TGFB3: variants seen among roughly 807,000 people sequenced by gnomAD.
TGFB3 encodes the protein transforming growth factor beta-3 proprotein.
In TGFB3, 5 loss-of-function variants were observed where a neutral mutation model predicts 40.1. The observed-to-expected ratio is 0.12, with a 90% CI of 0.07 to 0.26. TGFB3 has a LOEUF of 0.26. Ranked by LOEUF, TGFB3 falls within the 10% of genes least tolerant of loss-of-function variation. The pLI is 1.00. For synonymous variants in TGFB3, 184 were observed against 205.6 expected, an observed-to-expected ratio of 0.89 and a Z score of 0.90; for missense variants, 373 against 530.1, an observed-to-expected ratio of 0.70 and a Z score of 2.91.
chr14:75,967,705 A>G (rs919348216), intron 3 of TGFB3, among the ~76,000 whole-genome samples: 2 of 152,202 alleles, frequency 1.3e-5, no homozygotes, highest in Admixed American at 6.5e-5. Context: ...TTCTATCTCT[A>G]TAATAATCCC....
chr14:75,959,707 G>T (rs572380715), intron 6 of TGFB3, among the ~76,000 whole-genome samples: 7 of 151,750 alleles, frequency 4.6e-5, no homozygotes, highest in Admixed American at 1.3e-4. Flanking sequence ...GGAAGCAGAG[G>T]TTGCAGTAAG....
chr14:75,960,617 G>T (rs2035144140), intron 6 of TGFB3, among the ~76,000 whole-genome samples: 1 of 152,160 alleles, frequency 6.6e-6, no homozygotes, highest in African/African-American at 2.4e-5. Context: ...AGTGTTCCTT[G>T]CCAGCCACAT....
chr14:75,979,981 G>GGT lies in TGFB3; in HGVS notation c.352+560_352+561insAC, dbSNP rs2035404679. Among the ~76,000 whole-genome samples the GGT allele has an allele frequency of 6.6e-6, 1 of 152,166 alleles. No homozygotes were observed. The highest frequency in any genetic ancestry group is 1.5e-5 in the Non-Finnish European group (1 of 68,024). On this transcript the variant is annotated intron_variant, in intron 1 of 6. Transcript: ENST00000238682. This position sits in a 1 kb window ranked among gnomAD's most constrained non-coding sequence, Gnocchi z 4.8. ...GTCACGTGGGTGGGGTAGACCAAAG[G>GGT]GCCCAGGCAGCAAGAAGCTGTCTCC...
intron 3 of TGFB3, chr14:75,970,824 G>A (rs144466680): frequency 5.3e-6 from 2 of 378,802 alleles, no homozygotes; most frequent in Admixed American, 3.7e-5. Context: ...TCATTCAGAT[G>A]TCAATGCATG....
intron 1 of TGFB3, among the ~76,000 whole-genome samples, chr14:75,972,382 G>A (rs1328306369): frequency 6.6e-6 from 1 of 152,154 alleles, no homozygotes; most frequent in East Asian, 1.9e-4. Context: ...ATCTAAGGGG[G>A]GGTATTAATA....
At chr14:75,972,481 G>A (rs753181238) in intron 1 of TGFB3, among the ~76,000 whole-genome samples, 7 of 152,168 alleles carry the variant, frequency 4.6e-5, no homozygotes, top group South Asian at 2.1e-4. Flanking sequence ...TGAGGGGAGC[G>A]ACAGGAAACC....
intron 1 of TGFB3, among the ~76,000 whole-genome samples, chr14:75,974,279 T>C (rs1379179587): frequency 6.6e-6 from 1 of 151,998 alleles, no homozygotes; most frequent in Non-Finnish European, 1.5e-5. Flanking sequence ...TCCTCTTTGG[T>C]TTCTTCCAGC....
At chr14:75,966,124 AAGAGGC>A in intron 3 of TGFB3, 1 of 300,562 alleles carries the variant, frequency 3.3e-6, no homozygotes, top group Admixed American at 4.8e-5. Flanking sequence ...GGATCAGGGC[AAGAGGC>A]AGAGGGACTG....
intron 1 of TGFB3, among the ~76,000 whole-genome samples, chr14:75,976,013 GT>G (rs1356361961): frequency 6.6e-6 from 1 of 152,150 alleles, no homozygotes; most frequent in East Asian, 1.9e-4. Context: ...TCTCTATTTT[GT>G]TTAACGGGGC....
At chr14:75,964,690 T>A (rs955957060) in intron 4 of TGFB3, among the ~76,000 whole-genome samples, 1 of 152,218 alleles carries the variant, frequency 6.6e-6, no homozygotes, top group Admixed American at 6.5e-5. Context: ...TGAAAATCTT[T>A]ATGAACAAGA....
At position 75,979,706 on chromosome 14, in the gene TGFB3, C is replaced by CT. The variant is rs2035399490; in HGVS notation, c.352+835_352+836insA. On this transcript the variant is annotated intron_variant, in intron 1 of 6. Coordinates refer to ENST00000238682, the MANE Select transcript of TGFB3 (RefSeq NM_003239.5). The surrounding 1 kb of genome is among the most constrained non-coding windows in gnomAD (Gnocchi z 4.8). ...AGGCTCCCAGACATATCCCCCCCCC[C>CT]CACCATGCACCCACTGCCACCCCTC... 6.6e-6 allele frequency among the ~76,000 whole-genome samples: 1 copy of CT among 150,732 alleles called. No homozygotes were observed. Among genetic ancestry groups the CT allele is most frequent in the South Asian group, 2.1e-4 (1 of 4,766 alleles).
intron 1 of TGFB3, among the ~76,000 whole-genome samples, chr14:75,976,878 A>G (rs1244720923): frequency 6.6e-6 from 1 of 152,158 alleles, no homozygotes; most frequent in African/African-American, 2.4e-5. Flanking sequence ...GTTTCGCCCT[A>G]GTTCACTGAC....
chr14:75,972,923 G>C (rs936162160), intron 1 of TGFB3, among the ~76,000 whole-genome samples: 2 of 152,128 alleles, frequency 1.3e-5, no homozygotes, highest in Non-Finnish European at 2.9e-5. Flanking sequence ...GTCACCATTG[G>C]CTCCTTTCTC....
At chr14:75,967,180 T>C (rs979995874) in intron 3 of TGFB3, among the ~76,000 whole-genome samples, 1 of 152,244 alleles carries the variant, frequency 6.6e-6, no homozygotes, top group African/African-American at 2.4e-5. Flanking sequence ...TTAGGTTGGC[T>C]TGGACATCCC....
In TGFB3 at chr14:75,958,896, C is replaced by A; in HGVS notation, c.*291G>T. On this transcript the variant is annotated 3_prime_UTR_variant, in exon 7 of 7. Coordinates refer to ENST00000238682, the MANE Select transcript of TGFB3 (RefSeq NM_003239.5). ...CATTGCCACACAACATCTCAACTTA[C>A]CATCCCTTTCCTCTATCCCCATCCC... is the stretch of plus-strand genomic sequence containing the variant. The A allele has an allele frequency of 2.4e-6, 1 of 414,416 alleles. No individual in the cohort carries two copies. The highest frequency in any genetic ancestry group is 2.1e-5 in the South Asian group (1 of 48,278). 25.7% of individuals were successfully genotyped at this position (414,416 alleles called of 1,614,324 possible). A position where few individuals can be genotyped will look rare whatever the true frequency, so the allele number is the denominator to read the frequency against.
At position 75,978,197 on chromosome 14, in the gene TGFB3, C is replaced by A. The variant is rs2035378076; in HGVS notation, c.352+2345G>T. ...TATGGAACAGAACGTGATCTCATGA[C>A]CTCCCAGCAGAGGCTCTGGCATTGA... On this transcript the variant is annotated intron_variant, in intron 1 of 6. Transcript: ENST00000238682. The surrounding 1 kb of genome is among the most constrained non-coding windows in gnomAD (Gnocchi z 5.0). 1.3e-5 allele frequency among the ~76,000 whole-genome samples: 2 copies of A among 152,142 alleles called. No individual in the cohort carries two copies. Among genetic ancestry groups the A allele is most frequent in the Non-Finnish European group, 2.9e-5 (2 of 68,020 alleles).
At chr14:75,982,341 T>A (rs929497614), upstream of TGFB3, among the ~76,000 whole-genome samples, 1 of 152,064 alleles carries the variant, frequency 6.6e-6, no homozygotes, top group Non-Finnish European at 1.5e-5. The surrounding 1 kb of genome is among the most constrained non-coding windows in gnomAD (Gnocchi z 4.0). Flanking sequence ...CTCTCCCTCC[T>A]GGTCCCCCGG....
intron 3 of TGFB3, among the ~76,000 whole-genome samples, chr14:75,968,760 C>G (rs2035251873): frequency 6.6e-6 from 1 of 152,188 alleles, no homozygotes; most frequent in Non-Finnish European, 1.5e-5. Context: ...GGATCTTCAG[C>G]CCACCATCTG....
At chr14:75,976,873 G>C (rs530572348) in intron 1 of TGFB3, among the ~76,000 whole-genome samples, 1 of 152,092 alleles carries the variant, frequency 6.6e-6, no homozygotes, top group Non-Finnish European at 1.5e-5. Context: ...GAAAAGTTTC[G>C]CCCTAGTTCA....
Sources: gnomAD v4.1 joint callset for allele counts (sites outside exome capture counted in the v4.1 genomes callset) on GRCh38, gnomAD v4.1.1 for gene constraint, Gnocchi (gnomAD v3.1) non-coding constraint, MANE v1.5 for transcripts, NCBI Gene and HGNC (gene_info 2026-07-23, HGNC 2026-07-21) for gene names.